The following CSMD1 variants were observed in gnomAD, a reference collection of about 807,000 sequenced individuals.
The protein encoded by CSMD1 is CUB and sushi domain-containing protein 1.
A neutral mutation model predicts 417.5 loss-of-function variants in CSMD1; 213 were observed. The ratio of observed to expected loss-of-function variants is 0.51; its 90% CI spans 0.46 to 0.57. CSMD1 has a LOEUF of 0.57. Ranked by LOEUF, CSMD1 falls within the 20% of genes least tolerant of loss-of-function variation. CSMD1 has a pLI of 0.00. For synonymous variants in CSMD1, 2,862 were observed against 1,736.8 expected, an observed-to-expected ratio of 1.65 and a Z score of -16.11; for missense variants, 6,923 against 4,529.7, an observed-to-expected ratio of 1.53 and a Z score of -15.17.
intron 3 of CSMD1, among the ~76,000 whole-genome samples, chr8:4,161,183 T>C (rs578068798): frequency 1.3e-5 from 2 of 152,180 alleles, no homozygotes; most frequent in African/African-American, 4.8e-5. Context: ...GTACTTGCAA[T>C]GTGCTACTTC....
chr8:3,627,997 ATATGAATTCC>A (rs1204255266), intron 7 of CSMD1, among the ~76,000 whole-genome samples: 7 of 152,226 alleles, frequency 4.6e-5, no homozygotes, highest in Non-Finnish European at 1.0e-4. Flanking sequence ...TATATATCTA[ATATGAATTCC>A]TATGTAAAAG....
intron 1 of CSMD1, among the ~76,000 whole-genome samples, chr8:4,802,709 G>C (rs189527428): frequency 6.6e-6 from 1 of 152,016 alleles, no homozygotes; most frequent in East Asian, 1.9e-4. Context: ...TTCTTGTTTT[G>C]ATATTATCTT....
In CSMD1 at chr8:3,219,303, G is replaced by T; in HGVS notation, c.4624C>A (p.Arg1542=). The T allele has an allele frequency of 1.3e-6, 2 of 1,591,828 alleles. No individual in the cohort carries two copies. Among genetic ancestry groups the T allele is most frequent in the Admixed American group, 1.7e-5 (1 of 57,234 alleles). Residue 1542 remains arginine, a synonymous_variant, in exon 29 of 70, where the codon CGG becomes AGG. Transcript: ENST00000635120. ...GAAAGGCCCACGGAGGCATCACTCCGAAATGCCAGAAACAGGCTGTTTCCG... is the reference window on the plus strand; with the variant it reads ...GAAAGGCCCACGGAGGCATCACTCCTAAATGCCAGAAACAGGCTGTTTCCG... ...SSGNSLFLAF[R]SDASVGLSGF...
chr8:4,128,565 T>C (rs147367245), intron 3 of CSMD1, among the ~76,000 whole-genome samples: 129 of 152,280 alleles, frequency 8.5e-4, no homozygotes, highest in African/African-American at 2.2e-3. Flanking sequence ...ACATCTCATC[T>C]CTTTTAGCTT....
intron 50 of CSMD1, among the ~76,000 whole-genome samples, chr8:3,039,873 T>C (rs773768431): frequency 4.6e-5 from 7 of 152,206 alleles, no homozygotes; most frequent in Non-Finnish European, 8.8e-5. Context: ...ATATTAGATT[T>C]GCCGTCCCCA....
intron 10 of CSMD1, among the ~76,000 whole-genome samples, chr8:3,496,908 C>T (rs1796388275): frequency 6.6e-6 from 1 of 152,186 alleles, no homozygotes; most frequent in South Asian, 2.1e-4. Context: ...ACCCATTGGA[C>T]ACTCAGGAAC....
chr8:4,292,649 T>C (rs1797438296), intron 3 of CSMD1, among the ~76,000 whole-genome samples: 1 of 152,182 alleles, frequency 6.6e-6, no homozygotes, highest in Non-Finnish European at 1.5e-5. Flanking sequence ...TCTTGCATCA[T>C]CAACATGTTT....
chr8:3,709,496 G>C (rs961156838), intron 6 of CSMD1, among the ~76,000 whole-genome samples: 1 of 151,982 alleles, frequency 6.6e-6, no homozygotes, highest in Admixed American at 6.6e-5. Context: ...TTCTGGGGGT[G>C]TCTGTGAGAA....
In CSMD1 at chr8:4,788,494, C is replaced by A; in HGVS notation, c.86-150936G>T. On this transcript the variant is annotated intron_variant, in intron 1 of 69. Transcript: ENST00000635120. ...CTGCTCAGATATTTGGGGTAGACAA[C>A]CATTTAGTATGGAGCAAACTGTGAG... The A allele has an allele frequency of 3.7e-6, 5 of 1,351,424 alleles. No individual in the cohort carries two copies. In the East Asian group the frequency reaches 1.2e-4, roughly 31 times the overall value. 83.7% of individuals were successfully genotyped at this position (1,351,424 alleles called of 1,614,324 possible).
At chr8:4,715,250 C>G (rs1412661231) in intron 1 of CSMD1, among the ~76,000 whole-genome samples, 2 of 152,102 alleles carry the variant, frequency 1.3e-5, no homozygotes, top group East Asian at 1.9e-4. Flanking sequence ...ATAACCTAAC[C>G]TGTGTTTGGC....
Position 3,575,026 on chromosome 8 carries a change from G to A in CSMD1, c.1263C>T (p.Val421=), listed in dbSNP as rs777019907. 2 of 1,613,590 alleles carry A rather than the reference G, an allele frequency of 1.2e-6. No homozygotes were observed. The highest frequency in any genetic ancestry group is 1.7e-6 in the Non-Finnish European group (2 of 1,179,786). The change falls in exon 10 of 70, where the codon GTC becomes GTT. Residue 421 remains valine (V), a synonymous_variant. Coordinates refer to ENST00000635120, the MANE Select transcript of CSMD1 (RefSeq NM_033225.6). The part of the protein sequence containing the change: ...CGSNLRGPSG[V]ITSPNYPVQY... ...GAACCGGATAATTAGGGGAGGTAAT[G>A]ACGCCGCTGGGCCCACGCAGATTGG...
chr8:4,783,402 A>C (rs961273736), intron 1 of CSMD1, among the ~76,000 whole-genome samples: 1 of 152,174 alleles, frequency 6.6e-6, no homozygotes, highest in Non-Finnish European at 1.5e-5. Context: ...CTGAAACTAC[A>C]TTCTGACTCC....
At chr8:4,411,144 A>G (rs138521193) in intron 3 of CSMD1, among the ~76,000 whole-genome samples, 3 of 152,286 alleles carry the variant, frequency 2.0e-5, no homozygotes, top group South Asian at 4.1e-4. Context: ...CATGAGATAC[A>G]TCTCTTTCCT....
At chr8:4,456,610 G>C (rs1008361030) in intron 2 of CSMD1, among the ~76,000 whole-genome samples, 2 of 152,130 alleles carry the variant, frequency 1.3e-5, no homozygotes, top group East Asian at 1.9e-4. Flanking sequence ...TAGAAGAGTA[G>C]AGGCAATATT....
intron 8 of CSMD1, among the ~76,000 whole-genome samples, chr8:3,591,614 T>G (rs1286387974): frequency 6.6e-6 from 1 of 152,194 alleles, no homozygotes; most frequent in East Asian, 1.9e-4. Context: ...GGTAAGGATC[T>G]CCTACCTCTC....
rs538563680 is a variant in CSMD1, at chr8:4,282,594, G to A, written c.415+137359C>T. Among the ~76,000 whole-genome samples, 4 of 152,306 alleles carry A rather than the reference G, an allele frequency of 2.6e-5. No homozygotes were observed. In the South Asian group the frequency reaches 6.2e-4, roughly 24 times the overall value. ...TATCTTAAATGAATTGATCTTAGAA[G>A]ATTACAGTCAGGGAGAAAGGTAGTT... On this transcript the variant is annotated intron_variant, in intron 3 of 69. Coordinates refer to ENST00000635120, the MANE Select transcript of CSMD1 (RefSeq NM_033225.6).
intron 3 of CSMD1, among the ~76,000 whole-genome samples, chr8:4,255,400 G>A (rs1050156456): frequency 1.3e-5 from 2 of 152,134 alleles, no homozygotes; most frequent in African/African-American, 2.4e-5. Flanking sequence ...TAAAGAGGAC[G>A]CAATATGCAA....
intron 2 of CSMD1, among the ~76,000 whole-genome samples, chr8:4,441,407 C>A (rs929628537): frequency 6.6e-6 from 1 of 151,542 alleles, no homozygotes; most frequent in Non-Finnish European, 1.5e-5. Context: ...GCCAACTCAC[C>A]CAGCCCCAGA....
chr8:3,911,916 G>A (rs908845477), intron 5 of CSMD1, among the ~76,000 whole-genome samples: 1 of 152,082 alleles, frequency 6.6e-6, no homozygotes, highest in Non-Finnish European at 1.5e-5. Context: ...TTTTCCAAAG[G>A]ATTCTCCTCT....
Sources: gnomAD v4.1 joint callset for allele counts (sites outside exome capture counted in the v4.1 genomes callset) on GRCh38, gnomAD v4.1.1 for gene constraint, MANE v1.5 for transcripts, NCBI Gene and HGNC (gene_info 2026-07-23, HGNC 2026-07-21) for gene names.